Variants in ZNF383 observed in about 807,000 individuals in gnomAD.
ZNF383 encodes zinc finger protein 383.
Under a neutral mutation model 44.2 loss-of-function variants are expected in ZNF383, and 32 were observed. The ratio of observed to expected loss-of-function variants is 0.72; its 90% CI spans 0.55 to 0.97. The LOEUF is 0.97. Ranked by LOEUF, ZNF383 falls within the 50% of genes least tolerant of loss-of-function variation. ZNF383 has a pLI of 0.00. For missense variants in ZNF383, 487 were observed against 562.5 expected (o/e 0.87, Z 1.36); for synonymous variants, 155 against 186.2 (o/e 0.83, Z 1.36).
chr19:37,230,530 G>C (rs1973438680), intron 3 of ZNF383, 68 bp downstream of exon 3: 2 of 1,547,962 alleles, frequency 1.3e-6, no homozygotes, highest in South Asian at 2.3e-5. Context: ...ATGAGCATTT[G>C]CTTTCCTTAT....
In ZNF383 at chr19:37,236,662, C is replaced by T. The variant is rs571852247; in HGVS notation, c.232+588C>T. Among the ~76,000 whole-genome samples the T allele has an allele frequency of 1.4e-4, 22 of 151,924 alleles. 1 individual carries two copies. In the South Asian group the frequency reaches 4.2e-3, roughly 29 times the overall value. On this transcript the variant is annotated intron_variant, in intron 5 of 5. Transcript: ENST00000684119. The stretch of plus-strand genomic sequence containing the variant: ...TTGGTTCACTGCAACCTCTGCCTCC[C>T]GGGTTCAGGCGATTCTTCTGCCTCA...
chr19:37,218,622 CTG>C (rs1010376078), intron 1 of ZNF383, among the ~76,000 whole-genome samples: 3 of 151,954 alleles, frequency 2.0e-5, no homozygotes, highest in Admixed American at 6.6e-5. Context: ...GAGGCTGTGA[CTG>C]TGTGTTAGTC....
At chr19:37,220,104 C>T (rs999936315) in intron 1 of ZNF383, among the ~76,000 whole-genome samples, 3 of 152,170 alleles carry the variant, frequency 2.0e-5, no homozygotes, top group African/African-American at 7.2e-5. Context: ...TGATCTATTT[C>T]CTTCTAGTAA....
chr19:37,245,631 T>C lies in ZNF383; in HGVS notation c.*1967T>C, dbSNP rs1053701646. 2.0e-5 allele frequency: 3 copies of C among 151,922 alleles called. No homozygotes were observed. The highest frequency in any genetic ancestry group is 4.4e-5 in the Non-Finnish European group (3 of 68,000). 9.4% of individuals were successfully genotyped at this position (151,922 alleles called of 1,614,324 possible). On this transcript the variant is annotated 3_prime_UTR_variant, in exon 6 of 6. Coordinates refer to ENST00000684119, the MANE Select transcript of ZNF383 (RefSeq NM_001387601.1). ...CTGAGACTACAGGCGCACGACACCATGCCTGGCTAATTTTTGTATTTTTAG... is the reference window on the plus strand; with the variant it reads ...CTGAGACTACAGGCGCACGACACCACGCCTGGCTAATTTTTGTATTTTTAG...
rs374976262 is a variant in ZNF383, at chr19:37,243,400, C to T, written c.1164C>T (p.His388=). The change falls in exon 6 of 6, where the codon CAC becomes CAT. Residue 388 remains histidine, a synonymous_variant. Coordinates refer to ENST00000684119, the MANE Select transcript of ZNF383 (RefSeq NM_001387601.1). The part of the protein sequence containing the change: ...SSQLRQHQRI[H]AGEKPFECLE... ...AGCTTCGTCAACATCAGAGAATTCA[C>T]GCTGGTGAGAAACCCTTTGAATGTC... The T allele has an allele frequency of 3.7e-6, 6 of 1,613,688 alleles. No homozygotes were observed. Among genetic ancestry groups the T allele is most frequent in the African/African-American group, 2.7e-5 (2 of 74,796 alleles).
At chr19:37,225,600 T>C (rs1382158333) in intron 2 of ZNF383, among the ~76,000 whole-genome samples, 1 of 152,108 alleles carries the variant, frequency 6.6e-6, no homozygotes, top group Non-Finnish European at 1.5e-5. Context: ...GAATCATTTA[T>C]AATAGTATTT....
chr19:37,230,300 G>C, intron 2 of ZNF383, 109 bp from the exon 3 acceptor site: 1 of 671,058 alleles, frequency 1.5e-6, no homozygotes. Context: ...AACTGGAGTT[G>C]TATCTCAAGA....
In ZNF383 at chr19:37,242,512, G is replaced by A; in HGVS notation, c.276G>A (p.Lys92=). Residue 92 remains lysine, a synonymous_variant, in exon 6 of 6, where the codon AAG becomes AAA. Transcript: ENST00000684119. ...MCETKLLSLK[K]EVYEIELCQR... is the part of the protein sequence containing the mutation. ...AAACCAAGTTATTATCTCTAAAGAA[G>A]GAAGTTTATGAAATAGAATTATGCC... 1 of 1,611,462 alleles carries A rather than the reference G, an allele frequency of 6.2e-7. No homozygotes were observed. Among genetic ancestry groups the A allele is most frequent in the East Asian group, 2.2e-5 (1 of 44,814 alleles).
rs554834713 is a variant in ZNF383, at chr19:37,247,364, A to T, written c.*3700A>T. The T allele has an allele frequency of 8.7e-4, 132 of 152,362 alleles. 5 individuals carry two copies. The highest frequency in any genetic ancestry group is 8.6e-3 in the Admixed American group (131 of 15,306). 9.4% of individuals were successfully genotyped at this position (152,362 alleles called of 1,614,324 possible). A position where few individuals can be genotyped will look rare whatever the true frequency, so the allele number is the denominator to read the frequency against. ...GGATGACAAATAAACAATATTGTAT[A>T]TGAGAAATTGAAATGGCTATATATG... On this transcript the variant is annotated 3_prime_UTR_variant, in exon 6 of 6. Transcript: ENST00000684119.
chr19:37,226,821 T>C (rs983249603), intron 2 of ZNF383: 5 of 152,134 alleles, frequency 3.3e-5, no homozygotes, highest in African/African-American at 1.2e-4. Flanking sequence ...TAAAATTTAT[T>C]TATTTATTCT....
rs191067484 is a variant in ZNF383, at chr19:37,238,577, G to T, written c.232+2503G>T. On this transcript the variant is annotated intron_variant, in intron 5 of 5. Coordinates refer to ENST00000684119, the MANE Select transcript of ZNF383 (RefSeq NM_001387601.1). ...GAGATTCAGGCAAAGGGAACAGGAA[G>T]AGCCAAGTACTCGAGTTCAGAGCTT... Among the ~76,000 whole-genome samples the T allele has an allele frequency of 5.9e-5, 9 of 152,238 alleles. No individual in the cohort carries two copies. The East Asian group carries it at 1.7e-3, about 29-fold the overall frequency.
chr19:37,222,758 C>T (rs1045679398), intron 1 of ZNF383, among the ~76,000 whole-genome samples: 5 of 152,096 alleles, frequency 3.3e-5, no homozygotes, highest in South Asian at 2.1e-4. Flanking sequence ...AAAACGCTGC[C>T]GGGAACATTC....
chr19:37,229,800 ATATT>A (rs1403445286), intron 2 of ZNF383, among the ~76,000 whole-genome samples: 3 of 114,434 alleles, frequency 2.6e-5, no homozygotes, highest in African/African-American at 8.1e-5. Context: ...ATATATATAT[ATATT>A]TTTTTTTTTT....
intron 2 of ZNF383, 135 bp from the exon 3 acceptor site, chr19:37,230,274 G>C (rs1599789430): frequency 3.4e-6 from 2 of 582,036 alleles, no homozygotes; most frequent in Non-Finnish European, 6.2e-6. Context: ...AGTAGGATTT[G>C]TTCCATATTC....
rs752981829 is a variant in ZNF383 at position 37,247,997 on chromosome 19, G to T, written c.*4333G>T. On this transcript the variant is annotated 3_prime_UTR_variant, in exon 6 of 6. Transcript: ENST00000684119. ...TAAAAATACAAAAAATTAGCCGGGC[G>T]TGGTGGCTCATGCCTGTAATCCCGG... The T allele has an allele frequency of 2.0e-5, 3 of 152,166 alleles. No individual in the cohort carries two copies. Among genetic ancestry groups the T allele is most frequent in the Non-Finnish European group, 2.9e-5 (2 of 68,072 alleles). The allele number at this position is 152,166 out of a possible 1,614,324, so 9.4% of individuals were successfully genotyped here. A position where few individuals can be genotyped will look rare whatever the true frequency, so the allele number is the denominator to read the frequency against.
intron 3 of ZNF383, among the ~76,000 whole-genome samples, 164 bp downstream of exon 3, chr19:37,230,626 T>G (rs2145500608): frequency 6.6e-6 from 1 of 152,328 alleles, no homozygotes. Context: ...CATCTCTAAG[T>G]ATCCCTTTTA....
At chr19:37,233,663 C>T (rs924308756) in intron 3 of ZNF383, among the ~76,000 whole-genome samples, 1 of 151,804 alleles carries the variant, frequency 6.6e-6, no homozygotes, top group African/African-American at 2.4e-5. Flanking sequence ...CTCCTGACCT[C>T]GTGATCCGCC....
rs190197397 is a variant in ZNF383 at position 37,242,857 on chromosome 19, T to C, written c.621T>C (p.Phe207=). Residue 207 remains phenylalanine, a synonymous_variant, in exon 6 of 6, where the codon TTT becomes TTC. Transcript: ENST00000684119. Reference sequence around the variant, plus strand: ...AATGTAAAGAGTGTGGGAAATTCTTTAGTTGTGGTTCACATGTTACTCGGC... The same window carrying C: ...AATGTAAAGAGTGTGGGAAATTCTTCAGTTGTGGTTCACATGTTACTCGGC... ...SYECKECGKF[F]SCGSHVTRHL... 8.5e-5 allele frequency: 137 copies of C among 1,614,054 alleles called. No homozygotes were observed. In the East Asian group the frequency reaches 2.5e-3, roughly 30 times the overall value.
At chr19:37,235,919 A>G in intron 4 of ZNF383, 60 bp from the exon 5 acceptor site, 1 of 1,439,652 alleles carries the variant, frequency 6.9e-7, no homozygotes, top group Non-Finnish European at 9.5e-7. Flanking sequence ...GTGATCATCA[A>G]GGGACTGGAT....
Sources: gnomAD v4.1 joint callset for allele counts (sites outside exome capture counted in the v4.1 genomes callset) on GRCh38, gnomAD v4.1.1 for gene constraint, MANE v1.5 for transcripts, NCBI Gene and HGNC (gene_info 2026-07-23, HGNC 2026-07-21) for gene names.